AVL9: variants seen among roughly 807,000 people sequenced by gnomAD.
The protein encoded by AVL9 is late secretory pathway protein AVL9 homolog.
A neutral mutation model predicts 79.2 loss-of-function variants in AVL9; 49 were observed. The observed-to-expected ratio is 0.62, with a 90% confidence interval of 0.49 to 0.79. AVL9 has a LOEUF of 0.79. AVL9 is among the 30% of genes least tolerant of loss of function. The pLI, the probability that AVL9 is intolerant of heterozygous loss-of-function variation, is 0.00. For synonymous variants in AVL9, 299 were observed against 280.6 expected (o/e 1.07, Z -0.65); for missense variants, 682 against 776.8 (o/e 0.88, Z 1.45).
chr7:32,553,043 T>G (rs986908389), intron 6 of AVL9, among the ~76,000 whole-genome samples: 2 of 152,212 alleles, frequency 1.3e-5, no homozygotes, highest in South Asian at 2.1e-4. Context: ...AATCACATAG[T>G]GGTTTATGCT....
chr7:32,542,297 TG>T (rs571510328), intron 1 of AVL9, among the ~76,000 whole-genome samples: 8 of 147,726 alleles, frequency 5.4e-5, no homozygotes, highest in Non-Finnish European at 1.0e-4. Context: ...CCCAGCACTT[TG>T]GGAGGCCAGG....
intron 5 of AVL9, 145 bp from the exon 6 acceptor site, chr7:32,552,084 G>C: frequency 1.7e-6 from 1 of 576,622 alleles, no homozygotes; most frequent in South Asian, 1.9e-5. Context: ...TGGCAAGGTT[G>C]CAGAGAGGCT....
chr7:32,571,190 C>A (rs1790826539), intron 11 of AVL9, among the ~76,000 whole-genome samples: 1 of 147,458 alleles, frequency 6.8e-6, no homozygotes, highest in Non-Finnish European at 1.5e-5. Flanking sequence ...CAAGATTGCA[C>A]CACTGCACTC....
At chr7:32,583,082 C>T (rs1375006125) in intron 15 of AVL9, among the ~76,000 whole-genome samples, 1 of 152,142 alleles carries the variant, frequency 6.6e-6, no homozygotes, top group East Asian at 1.9e-4. Context: ...TTTTAGATGA[C>T]AAAAGCACAT....
chr7:32,509,438 AC>A (rs1172601333), intron 1 of AVL9, among the ~76,000 whole-genome samples: 2 of 152,022 alleles, frequency 1.3e-5, no homozygotes, highest in South Asian at 2.1e-4. Context: ...AACACAACTT[AC>A]CCTACTTGAA....
intron 10 of AVL9, among the ~76,000 whole-genome samples, chr7:32,564,473 A>T (rs190493931): frequency 1.5e-4 from 23 of 152,346 alleles, no homozygotes; most frequent in Non-Finnish European, 2.2e-4. Context: ...ATAATTTTAG[A>T]AATAGCCGGA....
intron 1 of AVL9, chr7:32,531,718 C>T (rs1788665430): frequency 6.6e-6 from 1 of 152,200 alleles, no homozygotes; most frequent in African/African-American, 2.4e-5. Context: ...AGATCCACTG[C>T]ATTCCACCCC....
chr7:32,556,825 G>C (rs1790086344), intron 8 of AVL9, among the ~76,000 whole-genome samples: 1 of 151,968 alleles, frequency 6.6e-6, no homozygotes, highest in Admixed American at 6.6e-5. Flanking sequence ...GAGTGCAGCG[G>C]TGTGATCATG....
intron 1 of AVL9, among the ~76,000 whole-genome samples, chr7:32,501,981 A>G (rs935964451): frequency 5.3e-5 from 8 of 152,020 alleles, no homozygotes; most frequent in Non-Finnish European, 8.8e-5. Context: ...TCCCTAGGAT[A>G]TTTTTAGAGG....
At chr7:32,500,783 A>G (rs772175027) in intron 1 of AVL9, among the ~76,000 whole-genome samples, 10 of 152,020 alleles carry the variant, frequency 6.6e-5, no homozygotes, top group Non-Finnish European at 1.5e-4. Flanking sequence ...TAATTTTTGT[A>G]TAAGGTGTAA....
chr7:32,556,235 C>T (rs1790047019), intron 8 of AVL9, among the ~76,000 whole-genome samples: 1 of 152,098 alleles, frequency 6.6e-6, no homozygotes, highest in South Asian at 2.1e-4. Flanking sequence ...TTCCTTCAGG[C>T]TGGGCACAGT....
At chr7:32,506,682 C>T (rs996183800) in intron 1 of AVL9, among the ~76,000 whole-genome samples, 1 of 151,268 alleles carries the variant, frequency 6.6e-6, no homozygotes, top group African/African-American at 2.4e-5. Context: ...GGAGGCCAAA[C>T]GGGAGGATTA....
intron 8 of AVL9, among the ~76,000 whole-genome samples, chr7:32,555,796 G>A (rs1790030020): frequency 6.6e-6 from 1 of 152,100 alleles, no homozygotes. Flanking sequence ...AAGAATGTTG[G>A]GGAGTCGACC....
intron 6 of AVL9, 50 bp from the exon 7 acceptor site, chr7:32,553,676 GC>G: frequency 7.0e-7 from 1 of 1,423,636 alleles, no homozygotes; most frequent in Non-Finnish European, 9.8e-7. Context: ...CCTTTCTGCA[GC>G]AAAAACATTA....
At chr7:32,576,334 C>G (rs1254028033) in intron 13 of AVL9, among the ~76,000 whole-genome samples, 4 of 152,156 alleles carry the variant, frequency 2.6e-5, no homozygotes, top group African/African-American at 9.7e-5. Flanking sequence ...GTCCCTGGCA[C>G]TTGGTGATGC....
rs372671875 is a variant in AVL9 at position 32,566,843 on chromosome 7, A to G, written c.1216-3177A>G. On this transcript the variant is annotated intron_variant, in intron 10 of 15. Transcript: ENST00000318709. ...GCTTGCAGTGAACCGAGATCGCGCCACTGCACTCCAGCTTGGGTGACAGAG... is the reference window on the plus strand; with the variant it reads ...GCTTGCAGTGAACCGAGATCGCGCCGCTGCACTCCAGCTTGGGTGACAGAG... Among the ~76,000 whole-genome samples the G allele has an allele frequency of 5.2e-4, 79 of 152,338 alleles. 2 individuals are homozygous for G. The East Asian group carries it at 0.012, about 22-fold the overall frequency.
chr7:32,572,857 T>A (rs900039042), intron 11 of AVL9, among the ~76,000 whole-genome samples: 8 of 150,880 alleles, frequency 5.3e-5, no homozygotes, highest in Non-Finnish European at 1.0e-4. Context: ...AAAAAGTATT[T>A]AAGGAATTAT....
At chr7:32,583,532 AC>A (rs959601465) in intron 15 of AVL9, among the ~76,000 whole-genome samples, 29 of 152,174 alleles carry the variant, frequency 1.9e-4, no homozygotes, top group African/African-American at 7.0e-4. Context: ...TCAAAAAATT[AC>A]CCAGGTGTGG....
At chr7:32,548,149 TTC>T (rs1789615772) in intron 3 of AVL9, among the ~76,000 whole-genome samples, 11 of 124,710 alleles carry the variant, frequency 8.8e-5, no homozygotes, top group African/African-American at 3.2e-4. Flanking sequence ...CATCTCTTTT[TTC>T]TTTTTTTTTT....
Sources: gnomAD v4.1 joint callset for allele counts (sites outside exome capture counted in the v4.1 genomes callset) on GRCh38, gnomAD v4.1.1 for gene constraint, MANE v1.5 for transcripts, NCBI Gene and HGNC (gene_info 2026-07-23, HGNC 2026-07-21) for gene names.